The following DYRK1A variants were observed in gnomAD, a reference collection of about 807,000 sequenced individuals.
DYRK1A encodes the protein dual specificity tyrosine-phosphorylation-regulated kinase 1A.
In DYRK1A, 9 loss-of-function variants were observed where a neutral mutation model predicts 79.7. The observed-to-expected ratio is 0.11, with a 90% confidence interval of 0.07 to 0.20. The LOEUF (loss-of-function observed/expected upper bound fraction) is 0.20. DYRK1A is among the 10% of genes least tolerant of loss of function. The pLI is 1.00. For synonymous variants in DYRK1A, 349 were observed against 329.7 expected, an observed-to-expected ratio of 1.06 and a Z score of -0.63; for missense variants, 622 against 956.0, an observed-to-expected ratio of 0.65 and a Z score of 4.61.
At chr21:37,498,712 G>C (rs1323109782) in intron 9 of DYRK1A, among the ~76,000 whole-genome samples, 1 of 152,124 alleles carries the variant, frequency 6.6e-6, no homozygotes, top group Admixed American at 6.5e-5. Flanking sequence ...AGAATTGCCA[G>C]GTCATGGGGT....
At chr21:37,412,232 G>T (rs1336580525) in intron 1 of DYRK1A, among the ~76,000 whole-genome samples, 1 of 152,168 alleles carries the variant, frequency 6.6e-6, no homozygotes, top group East Asian at 1.9e-4. Flanking sequence ...GCACTTTATG[G>T]AATGTCACAT....
intron 1 of DYRK1A, among the ~76,000 whole-genome samples, chr21:37,368,427 T>C (rs2049362010): frequency 6.6e-6 from 1 of 152,144 alleles, no homozygotes; most frequent in African/African-American, 2.4e-5. Flanking sequence ...TAATCTGAAA[T>C]AGTTAAAAAT....
chr21:37,393,478 G>A (rs994060565), intron 1 of DYRK1A, among the ~76,000 whole-genome samples: 2 of 152,090 alleles, frequency 1.3e-5, no homozygotes, highest in African/African-American at 4.8e-5. Context: ...GTAACCATCT[G>A]GTAGGAGTTT....
In DYRK1A at chr21:37,519,736, G is replaced by GTTTTTTTTGTTTTTTTTTTTTT. The variant is rs58947386; in HGVS notation, c.*7213_*7214insGTTTTTTTTTTTTTTTTTTTTT. 3.7e-4 allele frequency: 32 copies of GTTTTTTTTGTTTTTTTTTTTTT among 85,800 alleles called. 6 individuals are homozygous for GTTTTTTTTGTTTTTTTTTTTTT. Among genetic ancestry groups the GTTTTTTTTGTTTTTTTTTTTTT allele is most frequent in the African/African-American group, 1.5e-3 (30 of 20,612 alleles). 5.3% of individuals were successfully genotyped at this position (85,800 alleles called of 1,614,324 possible). On this transcript the variant is annotated 3_prime_UTR_variant, in exon 12 of 12. Transcript: ENST00000647188. ...AGAGTTTTGAGGTTTGTTGTGGGAA[G>GTTTTTTTTGTTTTTTTTTTTTT]TTTTTTTTTTTTTTTTTTTTTTTGA...
intron 5 of DYRK1A, chr21:37,481,114 C>T (rs963079205): frequency 1.7e-4 from 43 of 255,074 alleles, no homozygotes; most frequent in Admixed American, 5.3e-4. Context: ...TGTTATGGGC[C>T]TTGTATAGTC....
chr21:37,510,874 G>T (rs2148660350), intron 11 of DYRK1A, among the ~76,000 whole-genome samples: 1 of 152,214 alleles, frequency 6.6e-6, no homozygotes, highest in Middle Eastern at 3.4e-3. Flanking sequence ...GTACAAGGGA[G>T]GCTGGGAAGT....
chr21:37,395,041 G>C (rs2049936184), intron 1 of DYRK1A, among the ~76,000 whole-genome samples: 1 of 152,196 alleles, frequency 6.6e-6, no homozygotes, highest in Non-Finnish European at 1.5e-5. Context: ...CCCCCAGACA[G>C]ATCTCTCCCT....
At chr21:37,408,082 AT>A (rs1331117597) in intron 1 of DYRK1A, among the ~76,000 whole-genome samples, 1 of 152,230 alleles carries the variant, frequency 6.6e-6, no homozygotes, top group Non-Finnish European at 1.5e-5. Context: ...CATTTCATGA[AT>A]AATAGTTGCT....
intron 1 of DYRK1A, among the ~76,000 whole-genome samples, chr21:37,398,077 ATAT>A (rs1188869277): frequency 3.5e-5 from 1 of 28,512 alleles, no homozygotes; most frequent in Non-Finnish European, 9.7e-5. Context: ...TAAAAAAAAA[ATAT>A]ATATATATAT....
intron 2 of DYRK1A, among the ~76,000 whole-genome samples, chr21:37,466,345 A>G (rs544826739): frequency 6.6e-6 from 1 of 152,340 alleles, no homozygotes; most frequent in South Asian, 2.1e-4. Context: ...AAGGATGCAT[A>G]ATCTTTTGTA....
chr21:37,386,301 C>T (rs1187285566), intron 1 of DYRK1A, among the ~76,000 whole-genome samples: 4 of 152,118 alleles, frequency 2.6e-5, no homozygotes, highest in African/African-American at 9.7e-5. Context: ...CATCTCTCCA[C>T]CCCCAACCCC....
chr21:37,494,945 TA>T (rs11312263), intron 8 of DYRK1A, among the ~76,000 whole-genome samples: 126,934 of 145,718 alleles, frequency 0.87, 55,330 homozygotes, highest in East Asian at 0.99. Flanking sequence ...AAGACTCCAT[TA>T]AAAAAAAAAA....
chr21:37,378,645 C>G lies in DYRK1A; in HGVS notation c.-77+11017C>G, dbSNP rs145601494. The stretch of plus-strand genomic sequence containing the variant: ...GCCTACAGAAAAGGGGGCTCTTGTT[C>G]TTCTTCAATTGAGTGAACATTTGCA... On this transcript the variant is annotated intron_variant, in intron 1 of 11. Coordinates refer to ENST00000647188, the MANE Select transcript of DYRK1A (RefSeq NM_001347721.2). 5.8e-3 allele frequency among the ~76,000 whole-genome samples: 882 copies of G among 152,086 alleles called. 6 individuals are homozygous for G. The highest frequency in any genetic ancestry group is 0.012 in the East Asian group (62 of 5,184).
At chr21:37,462,181 G>T (rs187928155) in intron 2 of DYRK1A, among the ~76,000 whole-genome samples, 1 of 151,894 alleles carries the variant, frequency 6.6e-6, no homozygotes, top group Non-Finnish European at 1.5e-5. Context: ...TTTTCCTCCC[G>T]AATACAGACC....
Position 37,475,080 on chromosome 21 carries a change from GT to G in DYRK1A, c.207+2204del, listed in dbSNP as rs1438210608. ...CTTTTCAGGACAAAAGTTAATTATT[GT>G]TTTAGCTCTTATAACTGATCTAAGC... On this transcript the variant is annotated intron_variant, in intron 3 of 11. Transcript: ENST00000647188. 5.3e-5 allele frequency among the ~76,000 whole-genome samples: 8 copies of G among 152,312 alleles called. No homozygotes were observed. In the East Asian group the frequency reaches 1.5e-3, roughly 29 times the overall value.
At chr21:37,504,229 T>G (rs2053531279) in intron 9 of DYRK1A, 1 of 152,432 alleles carries the variant, frequency 6.6e-6, no homozygotes. Context: ...TCTCTATACA[T>G]TACTGCCCAG....
Position 37,512,756 on chromosome 21 carries a change from C to T in DYRK1A, c.*225C>T, listed in dbSNP as rs1395191305. The T allele has an allele frequency of 1.8e-5, 9 of 503,294 alleles. No individual in the cohort carries two copies. Among genetic ancestry groups the T allele is most frequent in the Non-Finnish European group, 2.4e-5 (7 of 289,574 alleles). 31.2% of individuals were successfully genotyped at this position (503,294 alleles called of 1,614,324 possible). On this transcript the variant is annotated 3_prime_UTR_variant, in exon 12 of 12. Coordinates refer to ENST00000647188, the MANE Select transcript of DYRK1A (RefSeq NM_001347721.2). ...ATCTTCATGGATAGCTCAGAGGTATCCTCTTTTTGCTCCCCCATTTTAACT... is the reference window on the plus strand; with the variant it reads ...ATCTTCATGGATAGCTCAGAGGTATTCTCTTTTTGCTCCCCCATTTTAACT...
chr21:37,384,793 T>C (rs1358791358), intron 1 of DYRK1A, among the ~76,000 whole-genome samples: 2 of 152,274 alleles, frequency 1.3e-5, no homozygotes, highest in South Asian at 4.1e-4. Flanking sequence ...GTGGAAGGTA[T>C]ACAAAAGACC....
At chr21:37,386,873 A>G (rs2049771203) in intron 1 of DYRK1A, among the ~76,000 whole-genome samples, 1 of 152,174 alleles carries the variant, frequency 6.6e-6, no homozygotes, top group Non-Finnish European at 1.5e-5. Context: ...AGAAGGGAAG[A>G]TTATTTTTCT....
Sources: allele counts gnomAD v4.1 joint callset (sites outside exome capture counted in the v4.1 genomes callset), GRCh38; gene constraint gnomAD v4.1.1; transcripts MANE v1.5; gene names NCBI Gene and HGNC (gene_info 2026-07-23, HGNC 2026-07-21).